CRPPA: variants seen among roughly 807,000 people sequenced by gnomAD.
CRPPA encodes D-ribitol-5-phosphate cytidylyltransferase.
CRPPA carries 43 observed loss-of-function variants against 52.0 expected under a neutral mutation model. The observed-to-expected ratio is 0.83, with a 90% CI of 0.65 to 1.07. The LOEUF (loss-of-function observed/expected upper bound fraction) is 1.07. Among genes scored for constraint, CRPPA ranks in the 50% least tolerant of loss-of-function variants. The pLI, the probability that CRPPA is intolerant of heterozygous loss-of-function variation, is 0.00. For missense variants in CRPPA, 629 were observed against 551.7 expected (o/e 1.14, Z -1.40); for synonymous variants, 250 against 203.5 (o/e 1.23, Z -1.94).
At chr7:16,218,611 T>A (rs1433852798) in intron 8 of CRPPA, among the ~76,000 whole-genome samples, 1 of 54,844 alleles carries the variant, frequency 1.8e-5, no homozygotes, top group Admixed American at 2.4e-4. Flanking sequence ...ACCAAGCAAA[T>A]GGAAAACAAA....
intron 9 of CRPPA, among the ~76,000 whole-genome samples, chr7:16,097,919 A>G (rs973923511): frequency 6.6e-6 from 1 of 152,238 alleles, no homozygotes; most frequent in African/African-American, 2.4e-5. Context: ...TCAACTTTAT[A>G]TGATGCCCAT....
intron 5 of CRPPA, among the ~76,000 whole-genome samples, chr7:16,286,297 C>G (rs1271970468): frequency 7.0e-6 from 1 of 143,630 alleles, no homozygotes; most frequent in Non-Finnish European, 1.6e-5. Flanking sequence ...TGGCTTTTCA[C>G]AGTATAGTAA....
chr7:16,183,372 C>T (rs1301072692), intron 9 of CRPPA, among the ~76,000 whole-genome samples: 4 of 152,168 alleles, frequency 2.6e-5, no homozygotes, highest in African/African-American at 9.7e-5. Context: ...CATGGCCATA[C>T]TGAGAAAAGT....
intron 8 of CRPPA, among the ~76,000 whole-genome samples, chr7:16,224,799 C>T (rs537533504): frequency 7.9e-5 from 12 of 152,072 alleles, no homozygotes; most frequent in Non-Finnish European, 1.5e-4. Flanking sequence ...GAAAAACTAT[C>T]TTATTTCAAC....
Position 16,088,583 on chromosome 7 carries a change from AT to A in CRPPA, c.*3111del, listed in dbSNP as rs571054192. 4 of 151,534 alleles carry A rather than the reference AT, an allele frequency of 2.6e-5. No homozygotes were observed. The highest frequency in any genetic ancestry group is 2.1e-4 in the South Asian group (1 of 4,810). The allele number at this position is 151,534 out of a possible 1,614,324, so 9.4% of individuals were successfully genotyped here. On this transcript the variant is annotated 3_prime_UTR_variant, in exon 10 of 10. Transcript: ENST00000407010. ...CAGGCGCCCGCCACGATGCCTGGCTATTTTTTTTGTATTTTTACTAGAGACG... is the reference window on the plus strand; with the variant it reads ...CAGGCGCCCGCCACGATGCCTGGCTATTTTTTTGTATTTTTACTAGAGACG...
At chr7:16,232,134 G>C (rs1442924705) in intron 8 of CRPPA, among the ~76,000 whole-genome samples, 1 of 152,130 alleles carries the variant, frequency 6.6e-6, no homozygotes, top group Admixed American at 6.6e-5. Context: ...GAGAAAATTA[G>C]TCAAAGGCCT....
At chr7:16,141,453 A>C (rs1177041891) in intron 9 of CRPPA, among the ~76,000 whole-genome samples, 1 of 152,222 alleles carries the variant, frequency 6.6e-6, no homozygotes, top group Non-Finnish European at 1.5e-5. Context: ...AGCTGTTCAG[A>C]AATTTTGATT....
chr7:16,148,017 TA>T (rs1266534579), intron 9 of CRPPA, among the ~76,000 whole-genome samples: 2 of 152,158 alleles, frequency 1.3e-5, no homozygotes, highest in Non-Finnish European at 2.9e-5. Context: ...CAAACTATAA[TA>T]ATCAGTCTCT....
At chr7:16,373,562 G>C (rs897919782) in intron 3 of CRPPA, among the ~76,000 whole-genome samples, 1 of 152,170 alleles carries the variant, frequency 6.6e-6, no homozygotes, top group Non-Finnish European at 1.5e-5. Context: ...TTATTCAATT[G>C]TAAGTCTGAT....
intron 9 of CRPPA, among the ~76,000 whole-genome samples, chr7:16,131,154 G>A (rs946211636): frequency 6.6e-6 from 1 of 152,134 alleles, no homozygotes; most frequent in Non-Finnish European, 1.5e-5. Context: ...CACAAAGTGG[G>A]GGCTGCTGTA....
At chr7:16,158,163 C>T (rs1302452134) in intron 9 of CRPPA, among the ~76,000 whole-genome samples, 1 of 151,722 alleles carries the variant, frequency 6.6e-6, no homozygotes, top group African/African-American at 2.4e-5. Context: ...GGATTACAGG[C>T]GTGAGCCACC....
chr7:16,168,090 T>C (rs1281812777), intron 9 of CRPPA, among the ~76,000 whole-genome samples: 3 of 152,230 alleles, frequency 2.0e-5, no homozygotes, highest in African/African-American at 7.2e-5. Flanking sequence ...CAATTGATTA[T>C]GGTCACCAAT....
Position 16,406,358 on chromosome 7 carries a change from C to T in CRPPA, c.258-21G>A, listed in dbSNP as rs772040857. On this transcript the variant is annotated intron_variant, in intron 1 of 9. Coordinates refer to ENST00000407010, the MANE Select transcript of CRPPA (RefSeq NM_001101426.4). ...ATACTCTAAAAGGAAAGTATATGTA[C>T]AATTCGTAAATTAATTCTTAGACAA... 27 of 1,591,954 alleles carry T rather than the reference C, an allele frequency of 1.7e-5. 1 individual carries two copies. In the East Asian group the frequency reaches 6.1e-4, roughly 36 times the overall value.
intron 3 of CRPPA, among the ~76,000 whole-genome samples, chr7:16,343,949 G>T (rs1005220375): frequency 3.3e-5 from 5 of 152,124 alleles, no homozygotes; most frequent in African/African-American, 1.2e-4. Flanking sequence ...TATTAGTTCC[G>T]GTTATTAAAG....
intron 6 of CRPPA, among the ~76,000 whole-genome samples, chr7:16,264,909 C>T (rs1056899291): frequency 3.3e-5 from 5 of 152,140 alleles, no homozygotes; most frequent in South Asian, 4.1e-4. Context: ...ATCTCCAGAA[C>T]GTCGTTGCTG....
At chr7:16,279,779 A>C (rs1784283744) in intron 5 of CRPPA, among the ~76,000 whole-genome samples, 1 of 152,234 alleles carries the variant, frequency 6.6e-6, no homozygotes. Flanking sequence ...TGAGGTAGGT[A>C]GTCACATAAA....
At chr7:16,249,747 G>A (rs1043210521) in intron 8 of CRPPA, among the ~76,000 whole-genome samples, 1 of 152,154 alleles carries the variant, frequency 6.6e-6, no homozygotes, top group Non-Finnish European at 1.5e-5. Flanking sequence ...AAAGACCAAA[G>A]GTAGATAAAA....
At chr7:16,381,752 T>C (rs1787094828) in intron 2 of CRPPA, among the ~76,000 whole-genome samples, 1 of 151,894 alleles carries the variant, frequency 6.6e-6, no homozygotes, top group Non-Finnish European at 1.5e-5. Flanking sequence ...GTAATGGCCT[T>C]CTTTGTCTCT....
chr7:16,258,907 T>C lies in CRPPA; in HGVS notation c.1026+13A>G, dbSNP rs1373302828. 4 of 1,573,644 alleles carry C rather than the reference T, an allele frequency of 2.5e-6. No individual in the cohort carries two copies. The highest frequency in any genetic ancestry group is 3.5e-6 in the Non-Finnish European group (4 of 1,149,596). Reference sequence around the variant, plus strand: ...ATATCCTTAAGTGCCTTCAATCATTTGAATTGACTTACATTCACACAAACA... The same window carrying C: ...ATATCCTTAAGTGCCTTCAATCATTCGAATTGACTTACATTCACACAAACA... On this transcript the variant is annotated intron_variant, in intron 7 of 9. Transcript: ENST00000407010.
Sources: allele counts gnomAD v4.1 joint callset (sites outside exome capture counted in the v4.1 genomes callset), GRCh38; gene constraint gnomAD v4.1.1; transcripts MANE v1.5; gene names NCBI Gene and HGNC (gene_info 2026-07-23, HGNC 2026-07-21).